ATXN1: variants seen among roughly 807,000 people sequenced by gnomAD.
ATXN1 encodes the protein ataxin-1.
A neutral mutation model predicts 56.4 loss-of-function variants in ATXN1; 8 were observed. The observed-to-expected ratio is 0.14, with a 90% confidence interval of 0.08 to 0.26. ATXN1 has a LOEUF of 0.26. ATXN1 is among the 10% of genes least tolerant of loss of function. The pLI is 1.00. For missense variants in ATXN1, 987 were observed against 1,106.5 expected (o/e 0.89, Z 1.53); for synonymous variants, 514 against 494.6 (o/e 1.04, Z -0.52).
chr6:16,759,706 T>C (rs1376398788), intron 1 of ATXN1, among the ~76,000 whole-genome samples: 3 of 151,954 alleles, frequency 2.0e-5, no homozygotes, highest in African/African-American at 7.3e-5. Context: ...GGATTTTTTT[T>C]TGTTTTGTTT....
chr6:16,483,172 G>C (rs1000829712), intron 6 of ATXN1, among the ~76,000 whole-genome samples: 1 of 151,996 alleles, frequency 6.6e-6, no homozygotes, highest in Admixed American at 6.6e-5. Flanking sequence ...ACATCTTCAG[G>C]GGCAAAGGCC....
intron 2 of ATXN1, among the ~76,000 whole-genome samples, chr6:16,675,931 C>T (rs1168575927): frequency 4.6e-5 from 7 of 151,962 alleles, no homozygotes; most frequent in Admixed American, 3.9e-4. Context: ...AATTGTGATG[C>T]AAGACACTGC....
intron 6 of ATXN1, among the ~76,000 whole-genome samples, chr6:16,451,161 A>C (rs1182634030): frequency 6.6e-6 from 1 of 152,206 alleles, no homozygotes; most frequent in African/African-American, 2.4e-5. Flanking sequence ...TGTACAAATT[A>C]TATAGGATTG....
At chr6:16,704,760 A>G (rs1759370676) in intron 2 of ATXN1, among the ~76,000 whole-genome samples, 1 of 152,182 alleles carries the variant, frequency 6.6e-6, no homozygotes, top group African/African-American at 2.4e-5. Flanking sequence ...CTGTCTCCCT[A>G]CCTCAGAGCT....
At chr6:16,681,323 G>A (rs1205330814) in intron 2 of ATXN1, among the ~76,000 whole-genome samples, 1 of 152,236 alleles carries the variant, frequency 6.6e-6, no homozygotes, top group Non-Finnish European at 1.5e-5. Context: ...CCAGAGCACA[G>A]GACCAGAGCC....
intron 3 of ATXN1, among the ~76,000 whole-genome samples, chr6:16,610,801 A>G (rs566274409): frequency 6.6e-6 from 1 of 151,154 alleles, no homozygotes; most frequent in Non-Finnish European, 1.5e-5. Context: ...AGGTGGGAGG[A>G]TTGCTTGAGG....
At chr6:16,471,750 G>A (rs1273260309) in intron 6 of ATXN1, among the ~76,000 whole-genome samples, 2 of 151,770 alleles carry the variant, frequency 1.3e-5, no homozygotes, top group Non-Finnish European at 2.9e-5. Context: ...TAATATACAG[G>A]GAGTTTACAT....
At chr6:16,414,334 G>A (rs771508570) in intron 6 of ATXN1, among the ~76,000 whole-genome samples, 48 of 152,218 alleles carry the variant, frequency 3.2e-4, no homozygotes, top group Non-Finnish European at 5.4e-4. Flanking sequence ...AATGCTTATC[G>A]GTCACTGTTA....
chr6:16,761,134 A>G (rs574720294), intron 1 of ATXN1, 164 bp downstream of exon 1: 1 of 366,400 alleles, frequency 2.7e-6, no homozygotes, highest in South Asian at 2.0e-5. Flanking sequence ...CTCCTCTTCC[A>G]GCTGTTTTCC....
At chr6:16,756,610 C>G (rs1036276089) in intron 1 of ATXN1, among the ~76,000 whole-genome samples, 1 of 152,140 alleles carries the variant, frequency 6.6e-6, no homozygotes, top group Non-Finnish European at 1.5e-5. Context: ...ACTAATCATT[C>G]GAACTATTGA....
At chr6:16,726,592 C>T (rs1244080914) in intron 2 of ATXN1, among the ~76,000 whole-genome samples, 3 of 152,064 alleles carry the variant, frequency 2.0e-5, no homozygotes, top group Middle Eastern at 3.4e-3. Flanking sequence ...TGGCCGGGCC[C>T]GGTAGCTCAC....
At chr6:16,457,275 C>T (rs909199945) in intron 6 of ATXN1, among the ~76,000 whole-genome samples, 9 of 151,908 alleles carry the variant, frequency 5.9e-5, no homozygotes, top group African/African-American at 1.9e-4. Context: ...TTCCTCAGTC[C>T]TTTTTGTGGT....
intron 6 of ATXN1, among the ~76,000 whole-genome samples, chr6:16,378,153 G>C (rs1423961190): frequency 6.6e-6 from 1 of 152,120 alleles, no homozygotes; most frequent in Non-Finnish European, 1.5e-5. Flanking sequence ...ATTCTTCAAA[G>C]CTCTGGCCAA....
intron 2 of ATXN1, among the ~76,000 whole-genome samples, chr6:16,708,696 GA>G (rs972237841): frequency 3.3e-5 from 5 of 149,912 alleles, no homozygotes; most frequent in African/African-American, 1.2e-4. Context: ...CCTAGGAACA[GA>G]AAAAAAAAGA....
intron 6 of ATXN1, among the ~76,000 whole-genome samples, chr6:16,427,958 C>T (rs1405857990): frequency 6.6e-6 from 1 of 152,088 alleles, no homozygotes; most frequent in Non-Finnish European, 1.5e-5. Flanking sequence ...CTCAGCTGCA[C>T]TCTTTTATTA....
intron 4 of ATXN1, among the ~76,000 whole-genome samples, chr6:16,579,132 T>G (rs1243657491): frequency 6.6e-6 from 1 of 152,202 alleles, no homozygotes; most frequent in African/African-American, 2.4e-5. Flanking sequence ...GAAATACTCA[T>G]TTAAGGGGTT....
chr6:16,513,287 G>C (rs1761116153), intron 5 of ATXN1, among the ~76,000 whole-genome samples: 1 of 152,172 alleles, frequency 6.6e-6, no homozygotes. Flanking sequence ...AAGATTCTTT[G>C]GTTAGCTGAC....
chr6:16,648,982 A>T (rs1244187806), intron 3 of ATXN1, among the ~76,000 whole-genome samples: 1 of 151,660 alleles, frequency 6.6e-6, no homozygotes, highest in Non-Finnish European at 1.5e-5. Context: ...ATATAATATA[A>T]AATAATATAT....
At chr6:16,478,920 A>G (rs1760380936) in intron 6 of ATXN1, among the ~76,000 whole-genome samples, 1 of 152,214 alleles carries the variant, frequency 6.6e-6, no homozygotes, top group East Asian at 1.9e-4. Flanking sequence ...GGACCTGTGC[A>G]GGGGTCCAGC....
Sources: allele counts gnomAD v4.1 joint callset (sites outside exome capture counted in the v4.1 genomes callset), GRCh38; gene constraint gnomAD v4.1.1; transcripts MANE v1.5; gene names NCBI Gene and HGNC (gene_info 2026-07-23, HGNC 2026-07-21).